Variants in KLHL29 observed in about 807,000 individuals in gnomAD.
The protein encoded by KLHL29 is kelch-like protein 29.
KLHL29 carries 21 observed loss-of-function variants against 80.4 expected under a neutral mutation model. That is an observed-to-expected ratio of 0.26 (90% CI 0.19 to 0.38). The LOEUF (loss-of-function observed/expected upper bound fraction) is 0.38, where lower values mean the gene tolerates loss of function less well. Ranked by LOEUF, KLHL29 falls within the 10% of genes least tolerant of loss-of-function variation. KLHL29 has a pLI of 1.00. For missense variants in KLHL29, 867 were observed against 1,223.9 expected, an observed-to-expected ratio of 0.71 and a Z score of 4.35; for synonymous variants, 511 against 526.8, an observed-to-expected ratio of 0.97 and a Z score of 0.41.
intron 2 of KLHL29, among the ~76,000 whole-genome samples, chr2:23,524,941 ACT>A (rs1384577092): frequency 6.6e-6 from 1 of 151,900 alleles, no homozygotes; most frequent in African/African-American, 2.4e-5. Context: ...TTTTATCCAA[ACT>A]CTCTCAGACT....
chr2:23,609,140 C>T (rs569242164), intron 3 of KLHL29, among the ~76,000 whole-genome samples: 3 of 152,212 alleles, frequency 2.0e-5, no homozygotes, highest in African/African-American at 4.8e-5. Flanking sequence ...TTAAGTGTCT[C>T]GAACATGCCA....
At chr2:23,645,448 A>T (rs1191946671) in intron 5 of KLHL29, among the ~76,000 whole-genome samples, 1 of 151,488 alleles carries the variant, frequency 6.6e-6, no homozygotes, top group East Asian at 1.9e-4. Flanking sequence ...ACAAGTCAGA[A>T]CTCCACTTTA....
intron 2 of KLHL29, among the ~76,000 whole-genome samples, chr2:23,548,309 A>G (rs1667031017): frequency 6.6e-6 from 1 of 151,632 alleles, no homozygotes; most frequent in Non-Finnish European, 1.5e-5. Flanking sequence ...ACAGGCACAC[A>G]CACACACAGA....
At chr2:23,474,887 G>A (rs1391712237) in intron 1 of KLHL29, among the ~76,000 whole-genome samples, 1 of 151,958 alleles carries the variant, frequency 6.6e-6, no homozygotes, top group African/African-American at 2.4e-5. Context: ...TTGCAGTGGG[G>A]GATGCCATTT....
At chr2:23,651,830 G>A (rs7594424) in intron 5 of KLHL29, among the ~76,000 whole-genome samples, 30,985 of 152,086 alleles carry the variant, frequency 0.2, 3,558 homozygotes, top group Middle Eastern at 0.28. Flanking sequence ...GTATCCTCAC[G>A]TGGCCTTTCC....
At position 23,501,308 on chromosome 2, in the gene KLHL29, T is replaced by C. The variant is rs550659939; in HGVS notation, c.-46+25641T>C. On this transcript the variant is annotated intron_variant, in intron 2 of 13. Transcript: ENST00000486442. ...CTATTCCTGCTTTGGAATAGGGGGC[T>C]GATACAAATTGGATTGAACCTAATT... Among the ~76,000 whole-genome samples the C allele has an allele frequency of 6.6e-5, 10 of 152,156 alleles. No homozygotes were observed. In the East Asian group the frequency reaches 1.7e-3, roughly 27 times the overall value.
Position 23,536,918 on chromosome 2 carries a change from A to ACACACACT in KLHL29, c.-45-25233_-45-25232insACACACTC, listed in dbSNP as rs143009876. On this transcript the variant is annotated intron_variant, in intron 2 of 13. Coordinates refer to ENST00000486442, the MANE Select transcript of KLHL29 (RefSeq NM_052920.2). ...CACACACACACACACACACACACAC[A>ACACACACT]CTCTCTCTCTCCCTCTCTCGCTCTC... Among the ~76,000 whole-genome samples the ACACACACT allele has an allele frequency of 3.5e-4, 49 of 140,736 alleles. 1 individual carries two copies. Among genetic ancestry groups the ACACACACT allele is most frequent in the East Asian group, 2.2e-3 (10 of 4,554 alleles). 92.3% of individuals were successfully genotyped at this position (140,736 alleles called of 152,430 possible). A position where few individuals can be genotyped will look rare whatever the true frequency, so the allele number is the denominator to read the frequency against.
intron 5 of KLHL29, chr2:23,644,260 T>G (rs756795148): frequency 4.1e-5 from 6 of 145,256 alleles, no homozygotes; most frequent in Non-Finnish European, 6.0e-5. Context: ...TTGGTTAAGC[T>G]CTGTCTCCCT....
rs111303368 is a variant in KLHL29 at position 23,479,618 on chromosome 2, G to A, written c.-46+3951G>A. On this transcript the variant is annotated intron_variant, in intron 2 of 13. Transcript: ENST00000486442. Reference sequence around the variant, plus strand: ...AGATGGCACCTCTGTCCTAAGGTCCGGACCATTTCTCCAGTGGCTCATGCG... The same window carrying A: ...AGATGGCACCTCTGTCCTAAGGTCCAGACCATTTCTCCAGTGGCTCATGCG... Among the ~76,000 whole-genome samples the A allele has an allele frequency of 2.0e-3, 301 of 152,210 alleles. 2 individuals are homozygous for A. The highest frequency in any genetic ancestry group is 6.8e-3 in the African/African-American group (283 of 41,540).
intron 2 of KLHL29, among the ~76,000 whole-genome samples, chr2:23,515,503 G>C (rs549235849): frequency 2.4e-4 from 36 of 152,334 alleles, no homozygotes; most frequent in African/African-American, 8.7e-4. Flanking sequence ...TGGGCCTTGG[G>C]GGGCCCCCGT....
intron 3 of KLHL29, among the ~76,000 whole-genome samples, chr2:23,587,216 CTCCTTATTTTCT>C (rs1186862340): frequency 6.6e-6 from 1 of 151,038 alleles, no homozygotes; most frequent in Non-Finnish European, 1.5e-5. Context: ...TATTCTTTTC[CTCCTTATTTTCT>C]TCCAAAGGCC....
chr2:23,401,314 C>G (rs537148711), intron 1 of KLHL29, among the ~76,000 whole-genome samples: 75 of 152,294 alleles, frequency 4.9e-4, no homozygotes, highest in Admixed American at 1.2e-3. Flanking sequence ...TTCCCTCTCT[C>G]CATTCAGAAA....
chr2:23,499,776 G>T (rs1297100248), intron 2 of KLHL29, among the ~76,000 whole-genome samples: 3 of 152,248 alleles, frequency 2.0e-5, no homozygotes, highest in Non-Finnish European at 2.9e-5. Flanking sequence ...GAGTGGGGCG[G>T]AACAGCGCAG....
intron 2 of KLHL29, among the ~76,000 whole-genome samples, chr2:23,505,572 A>G (rs1386790350): frequency 1.3e-5 from 2 of 152,144 alleles, no homozygotes; most frequent in Non-Finnish European, 2.9e-5. Flanking sequence ...TGGCTGCCCC[A>G]TCCCTGCATC....
rs1243734675 is a variant in KLHL29 at position 23,682,077 on chromosome 2, T to A, written c.941-2322T>A. ...CTCCCTTCCTGATGTCCCACCACCA[T>A]CCCCTCCAAAAACCTGTTAGTGGTC... On this transcript the variant is annotated intron_variant, in intron 5 of 13. Coordinates refer to ENST00000486442, the MANE Select transcript of KLHL29 (RefSeq NM_052920.2). This position sits in a 1 kb window ranked among gnomAD's most constrained non-coding sequence, Gnocchi z 4.1. Among the ~76,000 whole-genome samples, 3 of 151,344 alleles carry A rather than the reference T, an allele frequency of 2.0e-5. No homozygotes were observed. Among genetic ancestry groups the A allele is most frequent in the Non-Finnish European group, 4.4e-5 (3 of 67,892 alleles).
chr2:23,638,522 G>A (rs1323038255), intron 3 of KLHL29, among the ~76,000 whole-genome samples: 1 of 152,120 alleles, frequency 6.6e-6, no homozygotes, highest in African/African-American at 2.4e-5. Context: ...CCTAGGAGCA[G>A]TATCTGAGCT....
intron 5 of KLHL29, among the ~76,000 whole-genome samples, chr2:23,677,758 G>A (rs115262962): frequency 0.035 from 5,381 of 152,280 alleles, 116 homozygotes; most frequent in South Asian, 0.09. Flanking sequence ...AGCATGCGTC[G>A]CGCTCCCTGC....
intron 1 of KLHL29, among the ~76,000 whole-genome samples, chr2:23,412,188 C>T (rs530396882): frequency 6.8e-6 from 1 of 147,492 alleles, no homozygotes; most frequent in South Asian, 2.1e-4. Context: ...GACCACTGGG[C>T]TGGACAGTTC....
At chr2:23,433,924 G>C (rs1663258207) in intron 1 of KLHL29, among the ~76,000 whole-genome samples, 1 of 151,344 alleles carries the variant, frequency 6.6e-6, no homozygotes, top group African/African-American at 2.4e-5. Context: ...GTCTCTAAGA[G>C]AAAAAATGAA....
Sources: allele counts gnomAD v4.1 joint callset (sites outside exome capture counted in the v4.1 genomes callset), GRCh38; gene constraint gnomAD v4.1.1; non-coding constraint Gnocchi (gnomAD v3.1); transcripts MANE v1.5; gene names NCBI Gene and HGNC (gene_info 2026-07-23, HGNC 2026-07-21).